Variants in TRAPPC9 observed in about 807,000 individuals in gnomAD.
TRAPPC9 encodes IKK2 binding protein.
In TRAPPC9, 83 loss-of-function variants were observed where a neutral mutation model predicts 124.0. The ratio of observed to expected loss-of-function variants is 0.67; its 90% CI spans 0.56 to 0.80. TRAPPC9 has a LOEUF of 0.80. Ranked by LOEUF, TRAPPC9 falls within the 30% of genes least tolerant of loss-of-function variation. The pLI is 0.00. For synonymous variants in TRAPPC9, 638 were observed against 617.5 expected (o/e 1.03, Z -0.49); for missense variants, 1,302 against 1,508.3 (o/e 0.86, Z 2.27).
intron 19 of TRAPPC9, among the ~76,000 whole-genome samples, chr8:139,938,731 C>T (rs988863806): frequency 6.6e-6 from 1 of 151,562 alleles, no homozygotes; most frequent in African/African-American, 2.4e-5. Flanking sequence ...CTGCAAGCTC[C>T]GCTTCCCGGG....
intron 14 of TRAPPC9, among the ~76,000 whole-genome samples, chr8:140,277,749 C>T (rs2065169684): frequency 6.6e-6 from 1 of 152,224 alleles, no homozygotes; most frequent in African/African-American, 2.4e-5. Context: ...AAGGTCAGGC[C>T]CCCAGGGAGG....
intron 21 of TRAPPC9, among the ~76,000 whole-genome samples, chr8:139,846,704 G>A (rs990264305): frequency 1.3e-5 from 2 of 152,182 alleles, no homozygotes; most frequent in African/African-American, 2.4e-5. Context: ...TCTGACAGAC[G>A]CGAGGCCATC....
chr8:139,748,351 C>T lies in TRAPPC9; in HGVS notation c.3056-16149G>A, dbSNP rs371145400. On this transcript the variant is annotated intron_variant, in intron 21 of 22. Transcript: ENST00000438773. ...GGGATCAGAGAAGATGCAGGGGGTA[C>T]ACACAGCAGGAGTCAGAGCAGGTAG... Among the ~76,000 whole-genome samples, 140 of 83,768 alleles carry T rather than the reference C, an allele frequency of 1.7e-3. No homozygotes were observed. The Middle Eastern group carries it at 0.03, about 18-fold the overall frequency. The allele number at this position is 83,768 out of a possible 152,430, so 55.0% of individuals were successfully genotyped here. A position where few individuals can be genotyped will look rare whatever the true frequency, so the allele number is the denominator to read the frequency against.
intron 18 of TRAPPC9, among the ~76,000 whole-genome samples, chr8:139,996,171 AAAAAAAAAAAAG>A (rs1282414327): frequency 1.4e-5 from 2 of 147,394 alleles, no homozygotes; most frequent in African/African-American, 4.9e-5. Flanking sequence ...AAAAAAAAAA[AAAAAAAAAAAAG>A]AAAGGAAAGA....
intron 17 of TRAPPC9, among the ~76,000 whole-genome samples, chr8:140,085,000 G>A (rs1318881349): frequency 6.6e-6 from 1 of 152,168 alleles, no homozygotes; most frequent in African/African-American, 2.4e-5. Context: ...TGCTCGCAAC[G>A]CTCGACTCTG....
intron 9 of TRAPPC9, among the ~76,000 whole-genome samples, chr8:140,312,907 G>C (rs1485708826): frequency 6.6e-6 from 1 of 152,082 alleles, no homozygotes. Context: ...CTACAGGCAT[G>C]TGTCACCATG....
At chr8:140,377,095 CT>C (rs1374262900) in intron 7 of TRAPPC9, among the ~76,000 whole-genome samples, 4 of 152,146 alleles carry the variant, frequency 2.6e-5, no homozygotes, top group Non-Finnish European at 4.4e-5. Context: ...CGCTTGACCC[CT>C]GATCACCTCA....
At chr8:139,792,168 C>G (rs1473224250) in intron 21 of TRAPPC9, among the ~76,000 whole-genome samples, 1 of 152,206 alleles carries the variant, frequency 6.6e-6, no homozygotes, top group Non-Finnish European at 1.5e-5. Context: ...GTCCCCCATT[C>G]CTGTCTGCTG....
intron 17 of TRAPPC9, among the ~76,000 whole-genome samples, chr8:140,158,301 T>C (rs1244146484): frequency 6.6e-6 from 1 of 152,204 alleles, no homozygotes; most frequent in Non-Finnish European, 1.5e-5. Flanking sequence ...TGGCTTATCC[T>C]AGTAGGCTCT....
intron 7 of TRAPPC9, among the ~76,000 whole-genome samples, chr8:140,393,377 A>C (rs1332862360): frequency 1.3e-5 from 2 of 152,104 alleles, no homozygotes; most frequent in Non-Finnish European, 2.9e-5. Flanking sequence ...CTACTTCACT[A>C]TTTGCTTGTA....
intron 2 of TRAPPC9, among the ~76,000 whole-genome samples, chr8:140,442,766 T>C (rs2071067929): frequency 6.6e-6 from 1 of 152,050 alleles, no homozygotes; most frequent in Non-Finnish European, 1.5e-5. Flanking sequence ...ACAACAACAG[T>C]TTGCAATTAA....
intron 7 of TRAPPC9, among the ~76,000 whole-genome samples, chr8:140,384,420 C>T (rs2068698441): frequency 6.6e-6 from 1 of 152,158 alleles, no homozygotes; most frequent in South Asian, 2.1e-4. Context: ...AAACCCATCT[C>T]ACATGCAGAG....
chr8:140,139,731 T>A (rs987282768), intron 17 of TRAPPC9, among the ~76,000 whole-genome samples: 1 of 152,120 alleles, frequency 6.6e-6, no homozygotes, highest in African/African-American at 2.4e-5. Flanking sequence ...GTATTAGGTT[T>A]GGGACAGCTG....
chr8:140,016,220 T>C (rs185746859), intron 18 of TRAPPC9, among the ~76,000 whole-genome samples: 197 of 152,314 alleles, frequency 1.3e-3, no homozygotes, highest in African/African-American at 4.5e-3. Flanking sequence ...AAATCTGAAG[T>C]GTATACTAGT....
intron 19 of TRAPPC9, among the ~76,000 whole-genome samples, chr8:139,969,094 C>T (rs1316141018): frequency 6.6e-6 from 1 of 152,222 alleles, no homozygotes; most frequent in Non-Finnish European, 1.5e-5. Context: ...GCACGTGGAT[C>T]GTGCATGTCT....
intron 21 of TRAPPC9, among the ~76,000 whole-genome samples, chr8:139,865,894 G>A (rs1389527901): frequency 6.6e-6 from 1 of 152,236 alleles, no homozygotes; most frequent in African/African-American, 2.4e-5. Context: ...ACATGTGCCC[G>A]AGGTGGTCGG....
chr8:139,910,255 C>T lies in TRAPPC9; in HGVS notation c.2856G>A (p.Glu952=). Reference sequence around the variant, plus strand: ...CAAATTGCCCCTTCTCCCCAGGGGACTCCGGGAAACTCTCAAAGTTGAACT... The same window carrying T: ...CAAATTGCCCCTTCTCCCCAGGGGATTCCGGGAAACTCTCAAAGTTGAACT... ...VDKFNFESFP[E]SPGEKGQFAN... The change falls in exon 20 of 23, where the codon GAG becomes GAA. Residue 952 remains glutamate, a synonymous_variant. Coordinates refer to ENST00000438773, the MANE Select transcript of TRAPPC9 (RefSeq NM_001160372.4). 1.2e-6 allele frequency: 2 copies of T among 1,614,168 alleles called. No individual in the cohort carries two copies. The highest frequency in any genetic ancestry group is 1.7e-6 in the Non-Finnish European group (2 of 1,180,040).
intron 17 of TRAPPC9, among the ~76,000 whole-genome samples, chr8:140,110,251 C>G (rs1247580215): frequency 8.0e-6 from 1 of 124,896 alleles, no homozygotes; most frequent in Non-Finnish European, 1.7e-5. Context: ...TGTAGCAGCT[C>G]CCCCCTGCAC....
intron 17 of TRAPPC9, among the ~76,000 whole-genome samples, chr8:140,056,532 C>T (rs1587609441): frequency 6.6e-6 from 1 of 151,936 alleles, no homozygotes; most frequent in Non-Finnish European, 1.5e-5. Flanking sequence ...AACTGATCTT[C>T]AGTAAAGGCG....
Sources: allele counts gnomAD v4.1 joint callset (sites outside exome capture counted in the v4.1 genomes callset), GRCh38; gene constraint gnomAD v4.1.1; transcripts MANE v1.5; gene names NCBI Gene and HGNC (gene_info 2026-07-23, HGNC 2026-07-21).